The following ANKRD36 variants were observed in gnomAD, a reference collection of about 807,000 sequenced individuals.
ANKRD36 encodes the protein ankyrin repeat domain-containing protein 36A.
A neutral mutation model predicts 278.1 loss-of-function variants in ANKRD36; 179 were observed. The observed-to-expected ratio is 0.64, with a 90% CI of 0.57 to 0.73. The LOEUF is 0.73. ANKRD36 is among the 30% of genes least tolerant of loss of function. ANKRD36 has a pLI of 0.00. For missense variants in ANKRD36, 1,159 were observed against 1,956.7 expected (o/e 0.59, Z 7.69); for synonymous variants, 320 against 641.1 (o/e 0.50, Z 7.57).
chr2:97,131,176 T>C (rs112777105), intron 6 of ANKRD36, among the ~76,000 whole-genome samples: 5 of 151,712 alleles, frequency 3.3e-5, no homozygotes, highest in Non-Finnish European at 5.9e-5. Context: ...CTTTAACCAT[T>C]TATATATAAG....
intron 32 of ANKRD36, among the ~76,000 whole-genome samples, chr2:97,188,294 A>G (rs2057851216): frequency 6.6e-6 from 1 of 151,588 alleles, no homozygotes; most frequent in African/African-American, 2.4e-5. Flanking sequence ...GGTAATTTTC[A>G]ATGAATATTG....
Position 97,120,264 on chromosome 2 carries a change from A to T in ANKRD36, c.486+1747A>T, listed in dbSNP as rs1322574079. Among the ~76,000 whole-genome samples, 14 of 62,708 alleles carry T rather than the reference A, an allele frequency of 2.2e-4. No homozygotes were observed. In the East Asian group the frequency reaches 3.9e-3, roughly 17 times the overall value. 41.1% of individuals were successfully genotyped at this position (62,708 alleles called of 152,430 possible). A position where few individuals can be genotyped will look rare whatever the true frequency, so the allele number is the denominator to read the frequency against. ...CTCAATTACAATAGCAAAAAATTCT[A>T]AACCTTTTTTTAAAGCTGAAGCTCT... On this transcript the variant is annotated intron_variant, in intron 3 of 75. Transcript: ENST00000420699.
Position 97,146,517 on chromosome 2 carries a change from G to A in ANKRD36, c.1034+1G>A. Reference sequence around the variant, plus strand: ...CTGCTGTTGAACAGTGTTTAAACAGGTATGATTTTACAGATTTTTTAAAGT... The same window carrying A: ...CTGCTGTTGAACAGTGTTTAAACAGATATGATTTTACAGATTTTTTAAAGT... On this transcript the variant is annotated splice_donor_variant, in intron 11 of 75. Transcript: ENST00000420699. LOFTEE classifies it high-confidence loss of function. 1 of 1,517,404 alleles carries A rather than the reference G, an allele frequency of 6.6e-7. No homozygotes were observed. Among genetic ancestry groups the A allele is most frequent in the Non-Finnish European group, 8.8e-7 (1 of 1,136,452 alleles). 94.0% of individuals were successfully genotyped at this position (1,517,404 alleles called of 1,614,324 possible).
chr2:97,209,538 G>C, intron 54 of ANKRD36, 143 bp from the exon 55 acceptor site: 1 of 1,170,580 alleles, frequency 8.5e-7, no homozygotes, highest in Non-Finnish European at 1.2e-6. Flanking sequence ...GTCATGTTCT[G>C]ATCCCCAGAC....
chr2:97,224,444 G>GTT lies in ANKRD36; in HGVS notation c.3878-356_3878-355dup, dbSNP rs1432191197. Among the ~76,000 whole-genome samples the GTT allele has an allele frequency of 3.5e-5, 5 of 143,796 alleles. No individual in the cohort carries two copies. In the East Asian group the frequency reaches 1.4e-3, roughly 39 times the overall value. The allele number at this position is 143,796 out of a possible 152,430, so 94.3% of individuals were successfully genotyped here. A position where few individuals can be genotyped will look rare whatever the true frequency, so the allele number is the denominator to read the frequency against. ...AGAAAGACTATCGTTTTGTTTTTTT[G>GTT]TTTTTTTGTTTTTTTTTTTTTGAGA... On this transcript the variant is annotated intron_variant, in intron 66 of 75. Transcript: ENST00000420699.
chr2:97,185,649 T>A, intron 30 of ANKRD36, 139 bp downstream of exon 30: 1 of 1,131,104 alleles, frequency 8.8e-7, no homozygotes, highest in Non-Finnish European at 1.3e-6. Flanking sequence ...TTGTAATAAG[T>A]TCTCGGGTGA....
At chr2:97,226,739 T>G (rs1056769564) in intron 67 of ANKRD36, among the ~76,000 whole-genome samples, 2 of 151,638 alleles carry the variant, frequency 1.3e-5, no homozygotes, top group African/African-American at 2.4e-5. Flanking sequence ...GGTTTTCTTC[T>G]AGGGTTTTTA....
rs780232924 is a variant in ANKRD36, at chr2:97,181,765, A to G, written c.1809A>G (p.Glu603=). 2.5e-6 allele frequency: 4 copies of G among 1,609,510 alleles called. No homozygotes were observed. Among genetic ancestry groups the G allele is most frequent in the Non-Finnish European group, 3.4e-6 (4 of 1,178,200 alleles). Residue 603 remains glutamate, a synonymous_variant, in exon 26 of 76, where the codon GAA becomes GAG. Transcript: ENST00000420699. ...EKDSVSNIAT[E]IKKGQQSGTV... is the part of the protein sequence containing the mutation. ...ATTCTGTTTCAAATATAGCCACAGAAATAAAGAAGGGACAACAATCTGGGA... is the reference window on the plus strand; with the variant it reads ...ATTCTGTTTCAAATATAGCCACAGAGATAAAGAAGGGACAACAATCTGGGA...
chr2:97,123,957 T>TTATCTA (rs1553540706), intron 4 of ANKRD36, among the ~76,000 whole-genome samples: 1 of 141,806 alleles, frequency 7.1e-6, no homozygotes, highest in Admixed American at 7.2e-5. Context: ...TCCTCCATAT[T>TTATCTA]TATATATATA....
At chr2:97,243,221 C>G (rs1265471457) in intron 69 of ANKRD36, among the ~76,000 whole-genome samples, 1 of 146,478 alleles carries the variant, frequency 6.8e-6, no homozygotes, top group East Asian at 1.9e-4. Context: ...AAGCATGAGA[C>G]AGCAATCAAA....
intron 22 of ANKRD36, among the ~76,000 whole-genome samples, chr2:97,172,073 T>C (rs1005739166): frequency 2.0e-5 from 3 of 151,956 alleles, no homozygotes; most frequent in African/African-American, 7.2e-5. Context: ...GTTACGGTTT[T>C]GGGTTTCCTA....
At position 97,217,373 on chromosome 2, in the gene ANKRD36, G is replaced by A; in HGVS notation, c.3775+1G>A. ...ACAGGCGGTTGGAAATCTGGAACAGGTAATTTAGCAATATACATTTAATGT... is the reference window on the plus strand; with the variant it reads ...ACAGGCGGTTGGAAATCTGGAACAGATAATTTAGCAATATACATTTAATGT... On this transcript the variant is annotated splice_donor_variant, in intron 64 of 75. Coordinates refer to ENST00000420699, the MANE Select transcript of ANKRD36 (RefSeq NM_001354587.1). LOFTEE classifies it high-confidence loss of function. 1 of 1,550,268 alleles carries A rather than the reference G, an allele frequency of 6.5e-7. No individual in the cohort carries two copies.
chr2:97,145,147 A>G (rs2043940834), intron 10 of ANKRD36, among the ~76,000 whole-genome samples: 1 of 152,068 alleles, frequency 6.6e-6, no homozygotes, highest in African/African-American at 2.4e-5. Flanking sequence ...CCACTGATGT[A>G]GTAATTATTT....
chr2:97,220,375 A>G (rs9631083), intron 66 of ANKRD36, among the ~76,000 whole-genome samples: 1 of 144,304 alleles, frequency 6.9e-6, no homozygotes, highest in Non-Finnish European at 1.5e-5. Context: ...AAGCATCCTC[A>G]TTTCCTACCA....
rs752562150 is a variant in ANKRD36, at chr2:97,179,920, AAT to A, written c.1725_1726del (p.Ser576TrpfsTer11). 1 of 1,605,572 alleles carries A rather than the reference AAT, an allele frequency of 6.2e-7. No individual in the cohort carries two copies. The highest frequency in any genetic ancestry group is 8.5e-7 in the Non-Finnish European group (1 of 1,178,284). ...TAGCCACAGAAATAAAGGAGGGACCAATATCTGGGACAGGTAATTTTGCAAAA... is the reference window on the plus strand; with the variant it reads ...TAGCCACAGAAATAAAGGAGGGACCAATCTGGGACAGGTAATTTTGCAAAA... ...NIATEIKEGP[I>X]SGTVSSQKQP... On this transcript the variant is annotated frameshift_variant, in exon 24 of 76. Coordinates refer to ENST00000420699, the MANE Select transcript of ANKRD36 (RefSeq NM_001354587.1). LOFTEE classifies it high-confidence loss of function.
intron 22 of ANKRD36, among the ~76,000 whole-genome samples, chr2:97,172,867 G>T (rs1374585987): frequency 2.6e-5 from 4 of 151,840 alleles, no homozygotes; most frequent in African/African-American, 2.4e-5. Context: ...GTATGTGTGT[G>T]TATTTTTTTC....
In ANKRD36 at chr2:97,202,053, C is replaced by T. The variant is rs374461076; in HGVS notation, c.2858-149C>T. ...CGCTTTTCTCAGTGTATTTCTGTCA[C>T]GTTCTAGTCCCCAGACACAAAGTAG... On this transcript the variant is annotated intron_variant, in intron 46 of 75. Transcript: ENST00000420699. 1.4e-3 allele frequency: 2,012 copies of T among 1,483,710 alleles called. 72 individuals carry two copies. The East Asian group carries it at 0.024, about 18-fold the overall frequency. The allele number at this position is 1,483,710 out of a possible 1,614,324, so 91.9% of individuals were successfully genotyped here. A position where few individuals can be genotyped will look rare whatever the true frequency, so the allele number is the denominator to read the frequency against.
Position 97,196,783 on chromosome 2 carries a change from G to T in ANKRD36, c.2648G>T (p.Arg883Met). 1.3e-6 allele frequency: 2 copies of T among 1,546,864 alleles called. No individual in the cohort carries two copies. The highest frequency in any genetic ancestry group is 1.7e-6 in the Non-Finnish European group (2 of 1,147,348). Residue 883 changes from arginine to methionine, a missense_variant, in exon 42 of 76, where the codon AGG becomes ATG. Transcript: ENST00000420699. ...GAAAACAAGGATGGAGAAAAATCTA[G>T]GACAGGTAATTCTGAAAACAGATTT... ...ARENKDGEKS[R>M]TVSSEKPPGL...
chr2:97,196,991 C>T (rs1348680808), intron 42 of ANKRD36, among the ~76,000 whole-genome samples: 5 of 151,912 alleles, frequency 3.3e-5, no homozygotes, highest in African/African-American at 1.2e-4. Flanking sequence ...TACACTTCCA[C>T]ACTTTGAAGT....
Sources: allele counts gnomAD v4.1 joint callset (sites outside exome capture counted in the v4.1 genomes callset), GRCh38; gene constraint gnomAD v4.1.1; transcripts MANE v1.5; gene names NCBI Gene and HGNC (gene_info 2026-07-23, HGNC 2026-07-21).